RSRC1: variants seen among roughly 807,000 people sequenced by gnomAD.
RSRC1 encodes the protein serine/Arginine-related protein 53.
In RSRC1, 39 loss-of-function variants were observed where a neutral mutation model predicts 49.1. The ratio of observed to expected loss-of-function variants is 0.79; its 90% confidence interval spans 0.61 to 1.04. The LOEUF (loss-of-function observed/expected upper bound fraction) is 1.04. Among genes scored for constraint, RSRC1 ranks in the 50% least tolerant of loss-of-function variants. RSRC1 has a pLI of 0.00. For missense variants in RSRC1, 388 were observed against 402.4 expected (o/e 0.96, Z 0.31); for synonymous variants, 143 against 130.8 (o/e 1.09, Z -0.63).
intron 6 of RSRC1, among the ~76,000 whole-genome samples, chr3:158,424,797 C>T (rs1216444256): frequency 1.7e-4 from 25 of 150,836 alleles, no homozygotes; most frequent in African/African-American, 3.9e-4. Context: ...TTCTTCCTGG[C>T]TTAGTCTTGG....
At chr3:158,383,433 T>A (rs1164554585) in intron 6 of RSRC1, among the ~76,000 whole-genome samples, 1 of 152,110 alleles carries the variant, frequency 6.6e-6, no homozygotes, top group Non-Finnish European at 1.5e-5. Flanking sequence ...TGTGGGAGGC[T>A]GACTGTGCAG....
At chr3:158,253,152 G>T (rs1311208531) in intron 4 of RSRC1, among the ~76,000 whole-genome samples, 2 of 151,656 alleles carry the variant, frequency 1.3e-5, no homozygotes, top group Non-Finnish European at 2.9e-5. Context: ...TTTGCTTTAT[G>T]ATGTATCGCT....
intron 3 of RSRC1, among the ~76,000 whole-genome samples, chr3:158,162,062 C>T (rs1201230742): frequency 2.0e-5 from 3 of 152,128 alleles, no homozygotes; most frequent in African/African-American, 7.2e-5. Context: ...ATTTACTGAG[C>T]TCTGCCTATG....
At position 158,277,858 on chromosome 3, in the gene RSRC1, C is replaced by T. The variant is rs1164756397; in HGVS notation, c.495-20181C>T. Reference sequence around the variant, plus strand: ...TATATACTGTGGCAGGATCATGGCTCACTGCAGCCTTTGGAACTCTTGGAC... The same window carrying T: ...TATATACTGTGGCAGGATCATGGCTTACTGCAGCCTTTGGAACTCTTGGAC... On this transcript the variant is annotated intron_variant, in intron 4 of 9. Coordinates refer to ENST00000611884, the MANE Select transcript of RSRC1 (RefSeq NM_001271838.2). Among the ~76,000 whole-genome samples, 5 of 152,166 alleles carry T rather than the reference C, an allele frequency of 3.3e-5. No homozygotes were observed. In the East Asian group the frequency reaches 9.6e-4, roughly 29 times the overall value.
intron 4 of RSRC1, among the ~76,000 whole-genome samples, chr3:158,210,926 T>C (rs532350340): frequency 1.4e-4 from 21 of 152,208 alleles, no homozygotes; most frequent in African/African-American, 4.8e-4. Flanking sequence ...TTAAATGGCA[T>C]GAATTGTAGG....
chr3:158,466,402 T>C (rs1578514976), intron 7 of RSRC1, among the ~76,000 whole-genome samples: 1 of 152,200 alleles, frequency 6.6e-6, no homozygotes, highest in African/African-American at 2.4e-5. Flanking sequence ...GATTTAAATA[T>C]ATTCTGTTTA....
chr3:158,240,331 A>G (rs1723496806), intron 4 of RSRC1, among the ~76,000 whole-genome samples: 1 of 151,976 alleles, frequency 6.6e-6, no homozygotes, highest in South Asian at 2.1e-4. Flanking sequence ...TTGGGGAAGG[A>G]TTTTTTAGAA....
intron 4 of RSRC1, among the ~76,000 whole-genome samples, chr3:158,226,747 C>G (rs1722553466): frequency 6.6e-6 from 1 of 151,886 alleles, no homozygotes; most frequent in African/African-American, 2.4e-5. Flanking sequence ...CCTTCTTGCC[C>G]TTTTACCTTC....
chr3:158,364,629 C>T (rs1250707695), intron 6 of RSRC1, among the ~76,000 whole-genome samples: 1 of 151,860 alleles, frequency 6.6e-6, no homozygotes, highest in Admixed American at 6.6e-5. Flanking sequence ...ACACTTAGAG[C>T]AGTACCTGAT....
At chr3:158,500,571 C>G (rs1186557656) in intron 7 of RSRC1, among the ~76,000 whole-genome samples, 2 of 151,918 alleles carry the variant, frequency 1.3e-5, no homozygotes, top group African/African-American at 2.4e-5. Flanking sequence ...ATATCTAATT[C>G]TTGCTGATTT....
At chr3:158,479,254 AAATAT>A (rs1305001987) in intron 7 of RSRC1, among the ~76,000 whole-genome samples, 4 of 148,596 alleles carry the variant, frequency 2.7e-5, no homozygotes, top group African/African-American at 9.8e-5. Context: ...TAAAATAATT[AAATAT>A]AATATAAAAT....
intron 4 of RSRC1, among the ~76,000 whole-genome samples, chr3:158,238,110 A>G (rs927645236): frequency 6.6e-6 from 1 of 152,222 alleles, no homozygotes. Context: ...GTGAACTCCC[A>G]TTCACAATTG....
At chr3:158,544,045 A>T in intron 9 of RSRC1, 138 bp from the exon 10 acceptor site, 1 of 593,084 alleles carries the variant, frequency 1.7e-6, no homozygotes, top group Admixed American at 3.1e-5. Flanking sequence ...GTCATCAATT[A>T]AGAGGTCATC....
rs1373032605 is a variant in RSRC1 at position 158,539,456 on chromosome 3, T to A, written c.759+2258T>A. Among the ~76,000 whole-genome samples the A allele has an allele frequency of 6.6e-6, 1 of 152,112 alleles. No individual in the cohort carries two copies. Among genetic ancestry groups the A allele is most frequent in the African/African-American group, 2.4e-5 (1 of 41,444 alleles). ...ATCATTGAGGAACCAAGATGCAGCTTGTTTTCAAACTTAGTATGAGTTATT... is the reference window on the plus strand; with the variant it reads ...ATCATTGAGGAACCAAGATGCAGCTAGTTTTCAAACTTAGTATGAGTTATT... On this transcript the variant is annotated intron_variant, in intron 8 of 9. Transcript: ENST00000611884. This position sits in a 1 kb window ranked among gnomAD's most constrained non-coding sequence, Gnocchi z 4.1.
intron 5 of RSRC1, among the ~76,000 whole-genome samples, chr3:158,299,263 T>TA (rs1409266524): frequency 1.3e-5 from 2 of 152,118 alleles, no homozygotes; most frequent in Admixed American, 1.3e-4. Flanking sequence ...GTTAGGGGCT[T>TA]ACAACAAGGA....
intron 2 of RSRC1, 123 bp downstream of exon 2, chr3:158,122,421 T>A: frequency 1.4e-6 from 1 of 718,620 alleles, no homozygotes; most frequent in South Asian, 3.2e-5. Context: ...TTTATGAAAG[T>A]CCCAACCCAG....
At chr3:158,409,102 G>A (rs1734296409) in intron 6 of RSRC1, among the ~76,000 whole-genome samples, 1 of 152,004 alleles carries the variant, frequency 6.6e-6, no homozygotes, top group African/African-American at 2.4e-5. Context: ...GACACGTAGA[G>A]GGGAACAACA....
chr3:158,343,339 C>G (rs1162491463), intron 5 of RSRC1, among the ~76,000 whole-genome samples: 4 of 152,092 alleles, frequency 2.6e-5, no homozygotes, highest in African/African-American at 9.7e-5. Context: ...GAACAAAATT[C>G]CAAGTCTACT....
In RSRC1 at chr3:158,202,941, T is replaced by G. The variant is rs938017533; in HGVS notation, c.321-131T>G. 1.9e-5 allele frequency: 11 copies of G among 594,500 alleles called. No individual in the cohort carries two copies. The African/African-American group carries it at 2.0e-4, about 11-fold the overall frequency. 36.8% of individuals were successfully genotyped at this position (594,500 alleles called of 1,614,324 possible). The stretch of plus-strand genomic sequence containing the variant: ...TAAAGAATCATATTCAGGTGCTTGC[T>G]TCACGTGGTTATTTATTTCTGAGTC... On this transcript the variant is annotated intron_variant, in intron 3 of 9. Transcript: ENST00000611884.
Sources: gnomAD v4.1 joint callset for allele counts (sites outside exome capture counted in the v4.1 genomes callset) on GRCh38, gnomAD v4.1.1 for gene constraint, Gnocchi (gnomAD v3.1) non-coding constraint, MANE v1.5 for transcripts, NCBI Gene and HGNC (gene_info 2026-07-23, HGNC 2026-07-21) for gene names.